MED25: variants seen among roughly 807,000 people sequenced by gnomAD.
MED25 encodes mediator of RNA polymerase II transcription subunit 25.
A neutral mutation model predicts 89.4 loss-of-function variants in MED25; 62 were observed. The ratio of observed to expected loss-of-function variants is 0.69; its 90% CI spans 0.57 to 0.86. MED25 has a LOEUF of 0.86. MED25 is among the 40% of genes least tolerant of loss of function. The pLI is 0.00. For synonymous variants in MED25, 449 were observed against 427.9 expected, an observed-to-expected ratio of 1.05 and a Z score of -0.61; for missense variants, 905 against 1,005.2, an observed-to-expected ratio of 0.90 and a Z score of 1.35.
At position 49,836,623 on chromosome 19, in the gene MED25, G is replaced by C; in HGVS notation, c.2146+217G>C. On this transcript the variant is annotated intron_variant, in intron 17 of 17. Transcript: ENST00000312865. The surrounding 1 kb of genome is among the most constrained non-coding windows in gnomAD (Gnocchi z 5.1). The stretch of plus-strand genomic sequence containing the variant: ...AGAGCGTTTCCCATGATCCTCCTGT[G>C]TGTGCTCCTGGGATTGCTGGGAAAT... The C allele has an allele frequency of 1.3e-6, 1 of 746,090 alleles. No individual in the cohort carries two copies. The highest frequency in any genetic ancestry group is 2.3e-4 in the Middle Eastern group (1 of 4,436). 46.2% of individuals were successfully genotyped at this position (746,090 alleles called of 1,614,324 possible).
chr19:49,819,341 G>A lies in MED25; in HGVS notation c.305+45G>A, dbSNP rs775814699. 12 of 1,599,866 alleles carry A rather than the reference G, an allele frequency of 7.5e-6. No individual in the cohort carries two copies. The South Asian group carries it at 1.4e-4, about 18-fold the overall frequency. On this transcript the variant is annotated intron_variant, in intron 3 of 17. Coordinates refer to ENST00000312865, the MANE Select transcript of MED25 (RefSeq NM_030973.4). ...GGGTGGGTTGCTGGTCCCTGTGAGG[G>A]GCCGTGAATGAGTGATGGCTTGGGG... is the stretch of plus-strand genomic sequence containing the variant.
Position 49,830,788 on chromosome 19 carries a change from C to T in MED25, c.1002C>T (p.Gly334=), listed in dbSNP as rs142842628. ...PAPQLPPGPP[G]APKPPPASQP... is the part of the protein sequence containing the mutation. ...CCCAACTACCCCCAGGACCCCCTGG[C>T]GCCCCCAAGCCACCACCTGCTTCCC... The change falls in exon 9 of 18, where the codon GGC becomes GGT. Residue 334 remains glycine, a synonymous_variant. Transcript: ENST00000312865. The surrounding 1 kb of genome is among the most constrained non-coding windows in gnomAD (Gnocchi z 4.6). The T allele has an allele frequency of 2.4e-4, 389 of 1,612,698 alleles. No individual in the cohort carries two copies. The highest frequency in any genetic ancestry group is 3.0e-4 in the Non-Finnish European group (350 of 1,179,126).
chr19:49,831,915 A>G lies in MED25; in HGVS notation c.1231-21A>G, dbSNP rs2074060119. 1.2e-6 allele frequency: 2 copies of G among 1,610,938 alleles called. No individual in the cohort carries two copies. The highest frequency in any genetic ancestry group is 2.2e-5 in the South Asian group (2 of 91,038). The stretch of plus-strand genomic sequence containing the variant: ...GAGGCTTATGGCCCTTTTTACTGAC[A>G]TGCTCTTTTTTCCCCCTCAGAAACC... On this transcript the variant is annotated intron_variant, in intron 10 of 17. Coordinates refer to ENST00000312865, the MANE Select transcript of MED25 (RefSeq NM_030973.4). The surrounding 1 kb of genome is among the most constrained non-coding windows in gnomAD (Gnocchi z 5.0).
In MED25 at chr19:49,832,231, C is replaced by T. The variant is rs2074063216; in HGVS notation, c.1374+74C>T. 1.9e-6 allele frequency: 3 copies of T among 1,551,372 alleles called. No homozygotes were observed. The East Asian group carries it at 7.0e-5, about 36-fold the overall frequency. On this transcript the variant is annotated intron_variant, in intron 12 of 17. Transcript: ENST00000312865. ...GCTGTCTCTTTCCTGTTCCCTGCCC[C>T]ACCCCCACTCCCTGCCTCATGTCCC...
Position 49,830,519 on chromosome 19 carries a change from G to A in MED25, c.828G>A (p.Gly276=). Residue 276 remains glycine, a synonymous_variant, in exon 8 of 18, where the codon GGG becomes GGA. Coordinates refer to ENST00000312865, the MANE Select transcript of MED25 (RefSeq NM_030973.4). This position sits in a 1 kb window ranked among gnomAD's most constrained non-coding sequence, Gnocchi z 4.6. ...TTCCCTTCTACCCACAGGTTCCCGGGAACCTGAGTGCAGCTCAGGTGGCCG... is the reference window on the plus strand; with the variant it reads ...TTCCCTTCTACCCACAGGTTCCCGGAAACCTGAGTGCAGCTCAGGTGGCCG... The part of the protein sequence containing the change: ...PPVPPQYQVP[G]NLSAAQVAAQ... 1 of 1,614,060 alleles carries A rather than the reference G, an allele frequency of 6.2e-7. No homozygotes were observed.
chr19:49,831,845 G>C lies in MED25; in HGVS notation c.1231-91G>C. ...TGGGACTTAAACTGGGGAACATCCTGAGCTTTGGGGCTACCAGGGTAGGAC... is the reference window on the plus strand; with the variant it reads ...TGGGACTTAAACTGGGGAACATCCTCAGCTTTGGGGCTACCAGGGTAGGAC... On this transcript the variant is annotated intron_variant, in intron 10 of 17. Transcript: ENST00000312865. The surrounding 1 kb of genome is among the most constrained non-coding windows in gnomAD (Gnocchi z 5.0). The C allele has an allele frequency of 8.2e-7, 1 of 1,213,294 alleles. No individual in the cohort carries two copies. 75.2% of individuals were successfully genotyped at this position (1,213,294 alleles called of 1,614,324 possible). A position where few individuals can be genotyped will look rare whatever the true frequency, so the allele number is the denominator to read the frequency against.
intron 3 of MED25, among the ~76,000 whole-genome samples, chr19:49,826,927 C>G (rs971585735): frequency 1.3e-5 from 2 of 152,264 alleles, no homozygotes; most frequent in South Asian, 4.1e-4. Context: ...GATGCCGGGC[C>G]GAGGGCCTGG....
rs75970529 is a variant in MED25, at chr19:49,836,331, T to C, written c.2071T>C (p.Leu691=). The change falls in exon 17 of 18, where the codon TTG becomes CTG. Residue 691 remains leucine, a synonymous_variant. Transcript: ENST00000312865. The surrounding 1 kb of genome is among the most constrained non-coding windows in gnomAD (Gnocchi z 5.1). ...PPHQGLGQPQ[L]GPPLLHPPPA... ...GCACCAGGGCCTGGGGCAGCCCCAGTTGGGGCCCCCACTCCTGCATCCACC... is the reference window on the plus strand; with the variant it reads ...GCACCAGGGCCTGGGGCAGCCCCAGCTGGGGCCCCCACTCCTGCATCCACC... The C allele has an allele frequency of 2.2e-5, 35 of 1,610,258 alleles. No individual in the cohort carries two copies. In the South Asian group the frequency reaches 3.8e-4, roughly 17 times the overall value.
chr19:49,836,037 C>T lies in MED25; in HGVS notation c.1965+92C>T. 1.9e-6 allele frequency: 3 copies of T among 1,562,338 alleles called. No individual in the cohort carries two copies. The highest frequency in any genetic ancestry group is 2.6e-6 in the Non-Finnish European group (3 of 1,155,296). On this transcript the variant is annotated intron_variant, in intron 16 of 17. Coordinates refer to ENST00000312865, the MANE Select transcript of MED25 (RefSeq NM_030973.4). This position sits in a 1 kb window ranked among gnomAD's most constrained non-coding sequence, Gnocchi z 5.1. The stretch of plus-strand genomic sequence containing the variant: ...TGGGAGGAGGGAGGTTGACTGTGGT[C>T]AGTGGGTGTGAATGGGGACCCGCCC...
Position 49,835,008 on chromosome 19 carries a change from A to C in MED25, c.1505A>C (p.His502Pro). The C allele has an allele frequency of 6.2e-7, 1 of 1,613,936 alleles. No homozygotes were observed. Among genetic ancestry groups the C allele is most frequent in the East Asian group, 2.2e-5 (1 of 44,864 alleles). ...CAGGCGGGCTGCGTGCACTTCCCCC[A>C]CACGGCGCCCTGTGAGGTGCGCGTG... ...NGFAGCVHFPHTAPCEVRVLM... is the reference protein window; with the variant it reads ...NGFAGCVHFPPTAPCEVRVLM... The change falls in exon 14 of 18, where the codon CAC (histidine) becomes CCC (proline). Residue 502 changes from histidine to proline, a missense_variant. His to Pro is a moderately conservative substitution (Grantham distance 77, BLOSUM62 -2). Coordinates refer to ENST00000312865, the MANE Select transcript of MED25 (RefSeq NM_030973.4). The surrounding 1 kb of genome is among the most constrained non-coding windows in gnomAD (Gnocchi z 6.2).
chr19:49,821,104 A>C (rs1445975004), intron 3 of MED25, among the ~76,000 whole-genome samples: 1 of 152,160 alleles, frequency 6.6e-6, no homozygotes, highest in Non-Finnish European at 1.5e-5. Flanking sequence ...AATAGTCAGG[A>C]GGTCGGCAGG....
Position 49,829,330 on chromosome 19 carries a change from G to T in MED25, c.525+240G>T, listed in dbSNP as rs1329409655. Among the ~76,000 whole-genome samples the T allele has an allele frequency of 6.6e-6, 1 of 152,172 alleles. No homozygotes were observed. The highest frequency in any genetic ancestry group is 2.4e-5 in the African/African-American group (1 of 41,434). On this transcript the variant is annotated intron_variant, in intron 5 of 17. Coordinates refer to ENST00000312865, the MANE Select transcript of MED25 (RefSeq NM_030973.4). The surrounding 1 kb of genome is among the most constrained non-coding windows in gnomAD (Gnocchi z 4.6). Reference sequence around the variant, plus strand: ...GTCTGGCTCTGTTACCCAGGCTGGAGTGCAGTGGTGTGATCTTGGCCCACT... The same window carrying T: ...GTCTGGCTCTGTTACCCAGGCTGGATTGCAGTGGTGTGATCTTGGCCCACT...
rs759410759 is a variant in MED25, at chr19:49,818,324, G to A, written c.-18G>A. The A allele has an allele frequency of 5.1e-6, 8 of 1,568,176 alleles. No homozygotes were observed. Among genetic ancestry groups the A allele is most frequent in the African/African-American group, 2.7e-5 (2 of 73,750 alleles). On this transcript the variant is annotated 5_prime_UTR_variant, in exon 1 of 18. Coordinates refer to ENST00000312865, the MANE Select transcript of MED25 (RefSeq NM_030973.4). ...GTCGGCTGCGGCTGCAGTGGTGGTGGCGGGTACCGCACGGGGTATGGTCCC... is the reference window on the plus strand; with the variant it reads ...GTCGGCTGCGGCTGCAGTGGTGGTGACGGGTACCGCACGGGGTATGGTCCC...
downstream of MED25, chr19:49,839,316 C>T (rs577468628): frequency 5.5e-4 from 90 of 163,216 alleles, 1 homozygote; most frequent in Non-Finnish European, 9.7e-4. Context: ...TGGCAGGACA[C>T]CTTGATCCAA....
Position 49,835,096 on chromosome 19 carries a change from C to T in MED25, c.1593C>T (p.Ser531=), listed in dbSNP as rs774774157. Reference sequence around the variant, plus strand: ...TGGGCCTCATCCCCTACGACCAGAGCGGCTTCGTCAACGGCATCCGGCAGG... The same window carrying T: ...TGGGCCTCATCCCCTACGACCAGAGTGGCTTCGTCAACGGCATCCGGCAGG... The part of the protein sequence containing the change: ...IFMGLIPYDQ[S]GFVNGIRQVI... The change falls in exon 14 of 18, where the codon AGC becomes AGT. Residue 531 remains serine, a synonymous_variant. Transcript: ENST00000312865. The surrounding 1 kb of genome is among the most constrained non-coding windows in gnomAD (Gnocchi z 6.2). 35 of 1,614,094 alleles carry T rather than the reference C, an allele frequency of 2.2e-5. No homozygotes were observed. Among genetic ancestry groups the T allele is most frequent in the South Asian group, 8.8e-5 (8 of 91,080 alleles).
At position 49,830,331 on chromosome 19, in the gene MED25, A is replaced by G. The variant is rs2074046012; in HGVS notation, c.819+113A>G. The G allele has an allele frequency of 2.4e-6, 3 of 1,237,030 alleles. No homozygotes were observed. The highest frequency in any genetic ancestry group is 2.5e-5 in the East Asian group (1 of 40,188). The allele number at this position is 1,237,030 out of a possible 1,614,324, so 76.6% of individuals were successfully genotyped here. ...TGTGGGATGATGGGAGTCCCATGGG[A>G]CATTGGGAAGGTGGGACTCTTGGGG... is the stretch of plus-strand genomic sequence containing the variant. On this transcript the variant is annotated intron_variant, in intron 7 of 17. Transcript: ENST00000312865. The surrounding 1 kb of genome is among the most constrained non-coding windows in gnomAD (Gnocchi z 4.6).
At chr19:49,837,158 C>T (rs1380466888), downstream of MED25, among the ~76,000 whole-genome samples, 1 of 152,186 alleles carries the variant, frequency 6.6e-6, no homozygotes, top group African/African-American at 2.4e-5. Flanking sequence ...GATGCAGGGA[C>T]AGGCAGGCAG....
intron 3 of MED25, 148 bp from the exon 4 acceptor site, chr19:49,828,301 A>G: frequency 1.5e-6 from 1 of 684,482 alleles, no homozygotes; most frequent in Admixed American, 1.9e-5. Flanking sequence ...AGCACCAGGG[A>G]TTGGGTAGGG....
At position 49,836,283 on chromosome 19, in the gene MED25, G is replaced by T. The variant is rs1448159136; in HGVS notation, c.2023G>T (p.Ala675Ser). The T allele has an allele frequency of 6.2e-7, 1 of 1,612,202 alleles. No individual in the cohort carries two copies. Among genetic ancestry groups the T allele is most frequent in the East Asian group, 2.2e-5 (1 of 44,854 alleles). The change falls in exon 17 of 18, where the codon GCT (alanine) becomes TCT (serine). Residue 675 changes from alanine (A) to serine (S), a missense_variant. Physicochemically the swap from Ala to Ser is moderately conservative, Grantham distance 99. Coordinates refer to ENST00000312865, the MANE Select transcript of MED25 (RefSeq NM_030973.4). The surrounding 1 kb of genome is among the most constrained non-coding windows in gnomAD (Gnocchi z 5.1). Reference protein sequence around the residue: ...ASLHHLQPPGAPALLPPPHQG... With the variant: ...ASLHHLQPPGSPALLPPPHQG... ...CCTCCACCACCTCCAGCCACCAGGGGCTCCTGCGCTGCTGCCTCCGCCGCA... is the reference window on the plus strand; with the variant it reads ...CCTCCACCACCTCCAGCCACCAGGGTCTCCTGCGCTGCTGCCTCCGCCGCA...
Sources: gnomAD v4.1 joint callset for allele counts (sites outside exome capture counted in the v4.1 genomes callset) on GRCh38, gnomAD v4.1.1 for gene constraint, Gnocchi (gnomAD v3.1) non-coding constraint, MANE v1.5 for transcripts, NCBI Gene and HGNC (gene_info 2026-07-23, HGNC 2026-07-21) for gene names.